The following NRXN1 variants were observed in gnomAD, a reference collection of about 807,000 sequenced individuals.
NRXN1 encodes the protein neurexin 1, also known as neurexin-1.
A neutral mutation model predicts 150.9 loss-of-function variants in NRXN1; 39 were observed. That is an observed-to-expected ratio of 0.26 (90% CI 0.20 to 0.34). The LOEUF (loss-of-function observed/expected upper bound fraction) is 0.34. Among genes scored for constraint, NRXN1 ranks in the 10% least tolerant of loss-of-function variants. The pLI is 1.00. For missense variants in NRXN1, 1,815 were observed against 1,949.9 expected (o/e 0.93, Z 1.30); for synonymous variants, 924 against 757.0 (o/e 1.22, Z -3.62).
chr2:50,551,618 G>C lies in NRXN1; in HGVS notation c.1759+969C>G, dbSNP rs1030988276. ...TGAAGTAAAGAAGGAGAGTAGATAG[G>C]TCTAAATTTAGTTATCTTCTATTAT... is the stretch of plus-strand genomic sequence containing the variant. On this transcript the variant is annotated intron_variant, in intron 9 of 22. Coordinates refer to ENST00000401669, the MANE Select transcript of NRXN1 (RefSeq NM_001330078.2). Among the ~76,000 whole-genome samples, 5 of 152,168 alleles carry C rather than the reference G, an allele frequency of 3.3e-5. No individual in the cohort carries two copies. The East Asian group carries it at 9.7e-4, about 29-fold the overall frequency.
Position 50,012,449 on chromosome 2 carries a change from A to G in NRXN1, c.4128+40822T>C, listed in dbSNP as rs532582866. Among the ~76,000 whole-genome samples, 11 of 152,240 alleles carry G rather than the reference A, an allele frequency of 7.2e-5. 1 individual carries two copies. Among genetic ancestry groups the G allele is most frequent in the African/African-American group, 2.2e-4 (9 of 41,556 alleles). On this transcript the variant is annotated intron_variant, in intron 21 of 22. Transcript: ENST00000401669. ...TAGTCATGGTGTCATCTCTTCACCA[A>G]TTCTATTATCATGTATAGGTCACAA... is the stretch of plus-strand genomic sequence containing the variant.
chr2:50,371,750 G>A (rs1055495239), intron 17 of NRXN1, among the ~76,000 whole-genome samples: 2 of 109,100 alleles, frequency 1.8e-5, no homozygotes, highest in African/African-American at 9.6e-5. Flanking sequence ...AACATAGCTG[G>A]GACAGTTACT....
intron 17 of NRXN1, among the ~76,000 whole-genome samples, chr2:50,315,148 A>C (rs577023796): frequency 6.6e-6 from 1 of 151,996 alleles, no homozygotes; most frequent in Non-Finnish European, 1.5e-5. Flanking sequence ...TTTCTGCTTT[A>C]TCTCTCTGAA....
At chr2:50,892,802 A>G (rs1327799580) in intron 5 of NRXN1, among the ~76,000 whole-genome samples, 1 of 152,178 alleles carries the variant, frequency 6.6e-6, no homozygotes, top group Non-Finnish European at 1.5e-5. Flanking sequence ...AGCCATTAAC[A>G]TGTGCCAGTT....
At chr2:50,920,748 G>A (rs1220268118) in intron 5 of NRXN1, among the ~76,000 whole-genome samples, 1 of 151,688 alleles carries the variant, frequency 6.6e-6, no homozygotes, top group Admixed American at 6.6e-5. Context: ...AGTTGCTAGA[G>A]GCTTAATATG....
intron 17 of NRXN1, among the ~76,000 whole-genome samples, chr2:50,404,175 T>TGTTGTTG (rs1454666120): frequency 5.9e-5 from 9 of 151,606 alleles, no homozygotes; most frequent in African/African-American, 2.2e-4. Flanking sequence ...TTTGTTTTGT[T>TGTTGTTG]TTGTTGTTGT....
chr2:50,342,031 G>A (rs757273700), intron 17 of NRXN1, among the ~76,000 whole-genome samples: 5 of 152,164 alleles, frequency 3.3e-5, no homozygotes, highest in Non-Finnish European at 7.3e-5. Flanking sequence ...TGATGGTTCT[G>A]CCTCCGATAT....
intron 5 of NRXN1, among the ~76,000 whole-genome samples, chr2:50,716,474 C>T (rs556288810): frequency 1.3e-5 from 2 of 152,052 alleles, no homozygotes; most frequent in Non-Finnish European, 2.9e-5. Flanking sequence ...AATAATAAAA[C>T]TTGGCTGAAA....
intron 5 of NRXN1, among the ~76,000 whole-genome samples, chr2:50,633,259 T>C (rs893417977): frequency 6.6e-6 from 1 of 152,124 alleles, no homozygotes; most frequent in Non-Finnish European, 1.5e-5. Context: ...TTAAAGTTAG[T>C]AACACTTAGA....
At chr2:50,604,070 G>A (rs1298375533) in intron 8 of NRXN1, among the ~76,000 whole-genome samples, 1 of 151,084 alleles carries the variant, frequency 6.6e-6, no homozygotes, top group Non-Finnish European at 1.5e-5. Flanking sequence ...TTCTACCTTT[G>A]AAGAATCTCT....
chr2:50,018,005 T>A (rs1037999385), intron 21 of NRXN1, among the ~76,000 whole-genome samples: 1 of 152,186 alleles, frequency 6.6e-6, no homozygotes, highest in South Asian at 2.1e-4. Flanking sequence ...AGATGTCGAT[T>A]TAAATGTGAT....
intron 18 of NRXN1, among the ~76,000 whole-genome samples, chr2:50,161,597 C>A (rs1179209966): frequency 6.6e-6 from 1 of 152,100 alleles, no homozygotes; most frequent in Admixed American, 6.6e-5. Context: ...AGATAGTTCC[C>A]TTTTGGTGAA....
intron 17 of NRXN1, among the ~76,000 whole-genome samples, chr2:50,380,948 G>A (rs182803508): frequency 6.6e-6 from 1 of 152,206 alleles, no homozygotes; most frequent in Non-Finnish European, 1.5e-5. Flanking sequence ...ATTCTCTCAT[G>A]TGGGCCACTA....
intron 2 of NRXN1, among the ~76,000 whole-genome samples, chr2:50,975,712 G>T (rs1254129330): frequency 6.6e-6 from 1 of 151,962 alleles, no homozygotes; most frequent in Non-Finnish European, 1.5e-5. Flanking sequence ...TGACCCTTCC[G>T]GATTCCTTGA....
chr2:50,868,131 A>G (rs1449704078), intron 5 of NRXN1, among the ~76,000 whole-genome samples: 3 of 139,970 alleles, frequency 2.1e-5, no homozygotes, highest in Non-Finnish European at 3.1e-5. Flanking sequence ...ATGAATGGAT[A>G]AACAAAATAT....
chr2:50,949,539 A>G (rs1042793747), intron 2 of NRXN1, among the ~76,000 whole-genome samples: 1 of 152,088 alleles, frequency 6.6e-6, no homozygotes, highest in African/African-American at 2.4e-5. Flanking sequence ...CATCTCTAGA[A>G]TGAAAAAATC....
At chr2:50,823,318 G>T (rs1056308415) in intron 5 of NRXN1, among the ~76,000 whole-genome samples, 1 of 152,154 alleles carries the variant, frequency 6.6e-6, no homozygotes, top group Non-Finnish European at 1.5e-5. Context: ...TAGGCCATCA[G>T]TGCAGACCTG....
At chr2:50,836,663 A>G (rs913254859) in intron 5 of NRXN1, among the ~76,000 whole-genome samples, 1 of 152,078 alleles carries the variant, frequency 6.6e-6, no homozygotes, top group African/African-American at 2.4e-5. Flanking sequence ...TCCCCTTTTA[A>G]GGCTGAATAG....
intron 5 of NRXN1, among the ~76,000 whole-genome samples, chr2:50,771,693 C>T (rs541818698): frequency 6.6e-5 from 10 of 152,126 alleles, no homozygotes; most frequent in Middle Eastern, 3.4e-3. Flanking sequence ...AGGCATTTTC[C>T]GTGAAGGAAG....
Sources: allele counts gnomAD v4.1 joint callset (sites outside exome capture counted in the v4.1 genomes callset), GRCh38; gene constraint gnomAD v4.1.1; transcripts MANE v1.5; gene names NCBI Gene and HGNC (gene_info 2026-07-23, HGNC 2026-07-21).